Variants in MAGI2 observed in about 807,000 individuals in gnomAD.
MAGI2 encodes membrane-associated guanylate kinase, WW and PDZ domain-containing protein 2.
In MAGI2, 35 loss-of-function variants were observed where a neutral mutation model predicts 133.3. The observed-to-expected ratio is 0.26, with a 90% CI of 0.20 to 0.35. The LOEUF is 0.35. MAGI2 is among the 10% of genes least tolerant of loss of function. The pLI is 1.00. For synonymous variants in MAGI2, 729 were observed against 710.6 expected, an observed-to-expected ratio of 1.03 and a Z score of -0.41; for missense variants, 1,636 against 1,863.4, an observed-to-expected ratio of 0.88 and a Z score of 2.25.
intron 1 of MAGI2, among the ~76,000 whole-genome samples, chr7:79,400,927 G>C (rs7807048): frequency 0.24 from 36,901 of 151,916 alleles, 5,856 homozygotes; most frequent in African/African-American, 0.43. Flanking sequence ...TGAAGTGCCA[G>C]CTCTCAATAT....
chr7:79,058,864 C>T (rs903230158), intron 1 of MAGI2, among the ~76,000 whole-genome samples: 6 of 152,040 alleles, frequency 3.9e-5, no homozygotes, highest in Admixed American at 2.0e-4. Context: ...GGGTAAATTA[C>T]TTTTCCTCTC....
At chr7:79,130,334 G>A (rs956999621) in intron 1 of MAGI2, among the ~76,000 whole-genome samples, 1 of 152,036 alleles carries the variant, frequency 6.6e-6, no homozygotes, top group Admixed American at 6.6e-5. Flanking sequence ...AAGAAAAGAA[G>A]AGAAAATACT....
chr7:79,091,510 A>G (rs567562474), intron 1 of MAGI2, among the ~76,000 whole-genome samples: 31 of 152,186 alleles, frequency 2.0e-4, no homozygotes, highest in Non-Finnish European at 3.4e-4. Flanking sequence ...TACTATAAGC[A>G]GTTGTGATAA....
chr7:79,206,800 G>A (rs534151850), intron 1 of MAGI2, among the ~76,000 whole-genome samples: 2 of 151,612 alleles, frequency 1.3e-5, no homozygotes, highest in African/African-American at 2.4e-5. Flanking sequence ...GAATATAGAT[G>A]GAAAAATCCT....
intron 2 of MAGI2, among the ~76,000 whole-genome samples, chr7:78,883,573 A>C (rs924633295): frequency 6.6e-6 from 1 of 152,204 alleles, no homozygotes; most frequent in African/African-American, 2.4e-5. Flanking sequence ...ATCAGTCCTA[A>C]GAAAAAAGAA....
intron 2 of MAGI2, among the ~76,000 whole-genome samples, chr7:78,751,691 T>A (rs1207873): frequency 6.6e-6 from 1 of 152,056 alleles, no homozygotes; most frequent in African/African-American, 2.4e-5. Flanking sequence ...ACAGAACAAT[T>A]TCCTGGAGAT....
At chr7:78,129,335 A>AT (rs3840601) in intron 18 of MAGI2, among the ~76,000 whole-genome samples, 130,318 of 152,116 alleles carry the variant, frequency 0.86, 56,220 homozygotes, top group African/African-American at 0.91. Flanking sequence ...AACATACTAA[A>AT]TTTTTTATGA....
intron 4 of MAGI2, among the ~76,000 whole-genome samples, chr7:78,513,782 C>T (rs557896858): frequency 7.1e-4 from 108 of 152,138 alleles, no homozygotes; most frequent in South Asian, 1.5e-3. Context: ...GCATGCAATG[C>T]TGAATCTGTT....
chr7:79,174,014 G>A (rs529069583), intron 1 of MAGI2, among the ~76,000 whole-genome samples: 343 of 151,684 alleles, frequency 2.3e-3, no homozygotes, highest in African/African-American at 7.6e-3. Context: ...GGAAAGGAAA[G>A]GAATATAATA....
At chr7:79,033,978 T>C (rs895605764) in intron 1 of MAGI2, among the ~76,000 whole-genome samples, 4 of 152,308 alleles carry the variant, frequency 2.6e-5, no homozygotes, top group Non-Finnish European at 4.4e-5. Context: ...GTTCTAGTAA[T>C]TAACTATTAA....
At chr7:78,832,567 C>T (rs1282836847) in intron 2 of MAGI2, among the ~76,000 whole-genome samples, 1 of 152,144 alleles carries the variant, frequency 6.6e-6, no homozygotes, top group East Asian at 1.9e-4. Context: ...AAATCTGGCC[C>T]ATATGAATGC....
At chr7:78,833,523 G>A (rs1464429344) in intron 2 of MAGI2, among the ~76,000 whole-genome samples, 1 of 152,148 alleles carries the variant, frequency 6.6e-6, no homozygotes, top group African/African-American at 2.4e-5. Context: ...CGGGCTGTTG[G>A]CCGGATCCTG....
chr7:79,301,135 A>G lies in MAGI2; in HGVS notation c.301+151885T>C, dbSNP rs898847070. On this transcript the variant is annotated intron_variant, in intron 1 of 21. Transcript: ENST00000354212. ...CCTCTGCTATGGCAAGGCAGAGGAT[A>G]AATGTGGATTTGGAGCCCCCACACA... 2.6e-5 allele frequency among the ~76,000 whole-genome samples: 4 copies of G among 152,220 alleles called. No individual in the cohort carries two copies. In the East Asian group the frequency reaches 7.7e-4, roughly 29 times the overall value.
At chr7:78,167,411 A>T (rs1321301904) in intron 15 of MAGI2, among the ~76,000 whole-genome samples, 1 of 152,192 alleles carries the variant, frequency 6.6e-6, no homozygotes, top group African/African-American at 2.4e-5. Flanking sequence ...TAAATTTGGA[A>T]CTATATGAAC....
intron 16 of MAGI2, among the ~76,000 whole-genome samples, chr7:78,155,644 A>G (rs1824312294): frequency 6.6e-6 from 1 of 152,070 alleles, no homozygotes; most frequent in African/African-American, 2.4e-5. Context: ...AAACAACAAA[A>G]CAAACAAACA....
At chr7:79,272,326 T>C (rs780339905) in intron 1 of MAGI2, among the ~76,000 whole-genome samples, 2 of 152,154 alleles carry the variant, frequency 1.3e-5, no homozygotes, top group African/African-American at 4.8e-5. Context: ...GCACAGTCTT[T>C]AGTGGAATAT....
intron 1 of MAGI2, among the ~76,000 whole-genome samples, chr7:79,028,552 A>G (rs1280270810): frequency 2.0e-5 from 3 of 151,938 alleles, no homozygotes; most frequent in African/African-American, 7.3e-5. Flanking sequence ...ACCTTTATAC[A>G]GAACGTTACT....
intron 20 of MAGI2, among the ~76,000 whole-genome samples, chr7:78,119,983 G>GA (rs529880331): frequency 1.1e-3 from 171 of 152,260 alleles, no homozygotes; most frequent in African/African-American, 4.0e-3. Flanking sequence ...GCACTTTATG[G>GA]AAAATCTACA....
At chr7:79,107,895 A>C (rs959322846) in intron 1 of MAGI2, among the ~76,000 whole-genome samples, 2 of 152,216 alleles carry the variant, frequency 1.3e-5, no homozygotes, top group Admixed American at 1.3e-4. Context: ...GTAATTATTT[A>C]CATTTGTAGT....
Sources: allele counts gnomAD v4.1 joint callset (sites outside exome capture counted in the v4.1 genomes callset), GRCh38; gene constraint gnomAD v4.1.1; transcripts MANE v1.5; gene names NCBI Gene and HGNC (gene_info 2026-07-23, HGNC 2026-07-21).